Variants in WDR4 observed in about 807,000 individuals in gnomAD.
WDR4 encodes WDR4 tRNA N7-guanosine methyltransferase non-catalytic subunit.
A neutral mutation model predicts 48.6 loss-of-function variants in WDR4; 47 were observed. The observed-to-expected ratio is 0.97, with a 90% CI of 0.77 to 1.23. The LOEUF is 1.23. Among genes scored for constraint, WDR4 ranks in the 50% most tolerant of loss-of-function variants. The pLI, the probability that WDR4 is intolerant of heterozygous loss-of-function variation, is 0.00. For missense variants in WDR4, 606 were observed against 551.6 expected, an observed-to-expected ratio of 1.10 and a Z score of -0.99; for synonymous variants, 268 against 230.0, an observed-to-expected ratio of 1.17 and a Z score of -1.49.
chr21:42,873,750 T>C, intron 2 of WDR4, 59 bp from the exon 3 acceptor site: 3 of 1,578,040 alleles, frequency 1.9e-6, no homozygotes, highest in Non-Finnish European at 2.6e-6. Context: ...GCTGCATTCC[T>C]TGTTGGCCAG....
At chr21:42,863,362 T>A in intron 4 of WDR4, 78 bp downstream of exon 4, 1 of 1,521,464 alleles carries the variant, frequency 6.6e-7, no homozygotes, top group Non-Finnish European at 8.9e-7. Flanking sequence ...TGACTCAGCG[T>A]ATGCCCCACG....
At chr21:42,863,799 C>G (rs1030948213) in intron 3 of WDR4, among the ~76,000 whole-genome samples, 2 of 151,840 alleles carry the variant, frequency 1.3e-5, no homozygotes, top group South Asian at 4.2e-4. Flanking sequence ...ACTTTCACAA[C>G]GTTTTTCTTT....
At chr21:42,868,849 G>A (rs553308911) in intron 3 of WDR4, among the ~76,000 whole-genome samples, 12 of 152,338 alleles carry the variant, frequency 7.9e-5, no homozygotes, top group African/African-American at 2.6e-4. Flanking sequence ...AACCCACACT[G>A]TCCACACCTC....
chr21:42,886,813 C>CT, the WDR4 span: 2 of 152,228 alleles, frequency 1.3e-5, no homozygotes, highest in African/African-American at 2.4e-5. Flanking sequence ...GCCTCCTGGC[C>CT]GGGGATAGCC....
chr21:42,892,549 T>C, the WDR4 span, among the ~76,000 whole-genome samples: 1 of 93,868 alleles, frequency 1.1e-5, no homozygotes, highest in Non-Finnish European at 2.1e-5. Context: ...CCTCTTCCCC[T>C]GTGGAAGCTG....
rs755752070 is a variant in WDR4, at chr21:42,879,508, C to T, written c.-13G>A. The T allele has an allele frequency of 1.4e-5, 22 of 1,612,892 alleles. No individual in the cohort carries two copies. The highest frequency in any genetic ancestry group is 5.1e-6 in the Non-Finnish European group (6 of 1,179,818). On this transcript the variant is annotated 5_prime_UTR_variant, in exon 1 of 11. Coordinates refer to ENST00000398208, the MANE Select transcript of WDR4 (RefSeq NM_018669.6). Reference sequence around the variant, plus strand: ...CAGAGCCCGCCATGTACCCGCCCGCCTCACCGCCATACACATGTGCCAGCC... The same window carrying T: ...CAGAGCCCGCCATGTACCCGCCCGCTTCACCGCCATACACATGTGCCAGCC...
intron 2 of WDR4, among the ~76,000 whole-genome samples, chr21:42,874,425 A>T (rs572344769): frequency 1.1e-4 from 17 of 152,226 alleles, no homozygotes; most frequent in Non-Finnish European, 2.5e-4. Context: ...GGGCACCTTG[A>T]AAAAGAACAG....
chr21:42,845,536 G>A (rs570558976), downstream of WDR4, among the ~76,000 whole-genome samples: 4 of 152,252 alleles, frequency 2.6e-5, no homozygotes, highest in East Asian at 3.9e-4. Flanking sequence ...GATCTAAGAC[G>A]GGTAAGTCAA....
intron 1 of WDR4, 30 bp from the exon 2 acceptor site, chr21:42,876,797 G>A (rs777298329): frequency 5.0e-6 from 8 of 1,591,218 alleles, no homozygotes; most frequent in Non-Finnish European, 6.8e-6. Context: ...ATTTTAAAAG[G>A]AGTTATCATT....
At chr21:42,877,419 T>C (rs7280364) in intron 1 of WDR4, among the ~76,000 whole-genome samples, 90,471 of 149,932 alleles carry the variant, frequency 0.6, 27,937 homozygotes, top group African/African-American at 0.72. Context: ...GCTGAGATTA[T>C]AGGCAGAGCC....
chr21:42,873,874 C>T (rs1601176563), intron 2 of WDR4, among the ~76,000 whole-genome samples, 183 bp from the exon 3 acceptor site: 1 of 152,266 alleles, frequency 6.6e-6, no homozygotes, highest in South Asian at 2.1e-4. Flanking sequence ...ATTTTATCAG[C>T]ATGAAGCCTA....
In WDR4 at chr21:42,854,641, A is replaced by C. The variant is rs751039981; in HGVS notation, c.727-15T>G. 1 of 1,612,806 alleles carries C rather than the reference A, an allele frequency of 6.2e-7. No individual in the cohort carries two copies. The highest frequency in any genetic ancestry group is 1.7e-5 in the Admixed American group (1 of 59,760). ...GCGGCAAACTTCTAAAAGGAGAAGAAGCCCATTAACTTCACGCCACCTGCA... is the reference window on the plus strand; with the variant it reads ...GCGGCAAACTTCTAAAAGGAGAAGACGCCCATTAACTTCACGCCACCTGCA... On this transcript the variant is annotated splice_polypyrimidine_tract_variant and intron_variant, in intron 7 of 10. Transcript: ENST00000398208.
At chr21:42,886,344 C>A in the WDR4 span, among the ~76,000 whole-genome samples, 1 of 151,402 alleles carries the variant, frequency 6.6e-6, no homozygotes, top group Admixed American at 6.6e-5. Flanking sequence ...AAAATATTAT[C>A]ATCTTATTCA....
chr21:42,876,154 C>A (rs2058486217), intron 2 of WDR4, among the ~76,000 whole-genome samples: 2 of 150,440 alleles, frequency 1.3e-5, no homozygotes, highest in Non-Finnish European at 1.5e-5. Context: ...CAGTCAGCAC[C>A]CTGGCTTCCC....
chr21:42,855,616 C>T, intron 7 of WDR4, 66 bp downstream of exon 7: 3 of 1,271,608 alleles, frequency 2.4e-6, no homozygotes, highest in South Asian at 3.4e-5. Flanking sequence ...GACTTTTCCA[C>T]TCAAGTCAGG....
At position 42,862,827 on chromosome 21, in the gene WDR4, C is replaced by T. The variant is rs1016475714; in HGVS notation, c.454-433G>A. 3.9e-5 allele frequency among the ~76,000 whole-genome samples: 6 copies of T among 152,200 alleles called. No individual in the cohort carries two copies. The highest frequency in any genetic ancestry group is 1.4e-4 in the African/African-American group (6 of 41,446). ...AGTCCCAGTGAGGTTCCCTTTGATA[C>T]CCCACACTCGCCATTGTTCCTGACT... is the stretch of plus-strand genomic sequence containing the variant. On this transcript the variant is annotated intron_variant, in intron 4 of 10. Coordinates refer to ENST00000398208, the MANE Select transcript of WDR4 (RefSeq NM_018669.6). The surrounding 1 kb of genome is among the most constrained non-coding windows in gnomAD (Gnocchi z 4.3).
intron 3 of WDR4, among the ~76,000 whole-genome samples, chr21:42,866,008 A>G (rs2058237375): frequency 6.6e-6 from 1 of 151,356 alleles, no homozygotes; most frequent in Non-Finnish European, 1.5e-5. Flanking sequence ...CTCTCTCTCC[A>G]CCCCCTGGGC....
intron 3 of WDR4, among the ~76,000 whole-genome samples, chr21:42,871,414 C>T (rs2058366604): frequency 6.6e-6 from 1 of 152,252 alleles, no homozygotes; most frequent in Admixed American, 6.5e-5. Context: ...GCCCCTGCCA[C>T]CTGCAGAGAT....
intron 10 of WDR4, 119 bp from the exon 11 acceptor site, chr21:42,850,361 T>TG: frequency 1.1e-6 from 1 of 923,358 alleles, no homozygotes; most frequent in Non-Finnish European, 1.6e-6. Flanking sequence ...CGGTGGACCG[T>TG]GGGGGGCGCC....
Sources: allele counts gnomAD v4.1 joint callset (sites outside exome capture counted in the v4.1 genomes callset), GRCh38; gene constraint gnomAD v4.1.1; non-coding constraint Gnocchi (gnomAD v3.1); transcripts MANE v1.5; gene names NCBI Gene and HGNC (gene_info 2026-07-23, HGNC 2026-07-21).